Variants in POU2F1 observed in about 807,000 individuals in gnomAD.
POU2F1 encodes the protein POU domain, class 2, transcription factor 1.
Under a neutral mutation model 84.9 loss-of-function variants are expected in POU2F1, and 16 were observed. The observed-to-expected ratio is 0.19, with a 90% CI of 0.13 to 0.29. The LOEUF (loss-of-function observed/expected upper bound fraction) is 0.29. POU2F1 is among the 10% of genes least tolerant of loss of function. The pLI is 1.00. For missense variants in POU2F1, 738 were observed against 942.6 expected, an observed-to-expected ratio of 0.78 and a Z score of 2.84; for synonymous variants, 368 against 368.3, an observed-to-expected ratio of 1.00 and a Z score of 0.01.
rs530262358 is a variant in POU2F1 at position 167,275,461 on chromosome 1, G to A, written c.61+54503G>A. The stretch of plus-strand genomic sequence containing the variant: ...TTCTTCAGTATGACTACAGAAGGCC[G>A]CAATGGCCCTGATATCTCTACTTGT... On this transcript the variant is annotated intron_variant, in intron 1 of 15. Transcript: ENST00000367866. Among the ~76,000 whole-genome samples the A allele has an allele frequency of 1.7e-4, 26 of 152,076 alleles. 1 individual carries two copies. The highest frequency in any genetic ancestry group is 6.2e-4 in the South Asian group (3 of 4,820).
intron 1 of POU2F1, among the ~76,000 whole-genome samples, chr1:167,315,084 T>G (rs1655790727): frequency 6.6e-6 from 1 of 152,126 alleles, no homozygotes; most frequent in African/African-American, 2.4e-5. Flanking sequence ...CCTCCTGAGA[T>G]CTCCCCAAAA....
chr1:167,264,916 TGCTGTCTC>T (rs1323970301), intron 1 of POU2F1, among the ~76,000 whole-genome samples: 2 of 152,164 alleles, frequency 1.3e-5, no homozygotes. Flanking sequence ...CCTTTACACT[TGCTGTCTC>T]GTTTGCCTAG....
rs141721802 is a variant in POU2F1 at position 167,376,138 on chromosome 1, C to T, written c.701C>T (p.Thr234Met). Residue 234 changes from threonine to methionine, a missense_variant, in exon 7 of 16, where the codon ACG becomes ATG. Coordinates refer to ENST00000367866, the MANE Select transcript of POU2F1 (RefSeq NM_002697.4). ...LQPAQFIISQ[T>M]PQGQQGLLQA... Reference sequence around the variant, plus strand: ...CCAGCGCAGTTTATCATCTCACAGACGCCCCAGGGCCAGCAGGGTGAGCTC... The same window carrying T: ...CCAGCGCAGTTTATCATCTCACAGATGCCCCAGGGCCAGCAGGGTGAGCTC... 4.8e-5 allele frequency: 78 copies of T among 1,614,056 alleles called. No individual in the cohort carries two copies. The highest frequency in any genetic ancestry group is 6.7e-5 in the Admixed American group (4 of 60,002).
At chr1:167,317,385 G>T (rs536453774) in intron 1 of POU2F1, among the ~76,000 whole-genome samples, 1 of 152,254 alleles carries the variant, frequency 6.6e-6, no homozygotes, top group Non-Finnish European at 1.5e-5. Context: ...CAGCTCAGTC[G>T]TGGAGACCCT....
Position 167,418,248 on chromosome 1 carries a change from A to G in POU2F1, c.*2438A>G, listed in dbSNP as rs1476496424. On this transcript the variant is annotated 3_prime_UTR_variant, in exon 16 of 16. Coordinates refer to ENST00000367866, the MANE Select transcript of POU2F1 (RefSeq NM_002697.4). The stretch of plus-strand genomic sequence containing the variant: ...CTTGTTTTTAATCTTTTATGTTGGT[A>G]AATTGTGATATCCTCTGGGCAGACA... 1 of 152,204 alleles carries G rather than the reference A, an allele frequency of 6.6e-6. No homozygotes were observed. The highest frequency in any genetic ancestry group is 1.5e-5 in the Non-Finnish European group (1 of 68,028). The allele number at this position is 152,204 out of a possible 1,614,324, so 9.4% of individuals were successfully genotyped here.
At chr1:167,347,192 A>G (rs2101774180) in intron 2 of POU2F1, among the ~76,000 whole-genome samples, 1 of 152,348 alleles carries the variant, frequency 6.6e-6, no homozygotes, top group South Asian at 2.1e-4. Flanking sequence ...AAATAGAAAT[A>G]TGTGAATAAT....
At chr1:167,291,701 T>C (rs1021136879) in intron 1 of POU2F1, among the ~76,000 whole-genome samples, 1 of 152,324 alleles carries the variant, frequency 6.6e-6, no homozygotes, top group East Asian at 1.9e-4. Flanking sequence ...AGGTGCTAGG[T>C]GCTTTCCTCA....
intron 1 of POU2F1, among the ~76,000 whole-genome samples, chr1:167,224,791 T>G (rs1553083): frequency 2.0e-5 from 3 of 150,654 alleles, no homozygotes; most frequent in Non-Finnish European, 4.4e-5. Flanking sequence ...AGTAGTTTCC[T>G]GCGTATTTCT....
chr1:167,314,561 G>T (rs1024496033), intron 1 of POU2F1, among the ~76,000 whole-genome samples: 3 of 152,212 alleles, frequency 2.0e-5, no homozygotes, highest in Non-Finnish European at 4.4e-5. Flanking sequence ...AGGATGGCTT[G>T]AGCCCAGGAG....
chr1:167,275,457 G>A (rs1652664290), intron 1 of POU2F1, among the ~76,000 whole-genome samples: 1 of 151,946 alleles, frequency 6.6e-6, no homozygotes, highest in Non-Finnish European at 1.5e-5. Context: ...GACTACAGAA[G>A]GCCGCAATGG....
chr1:167,377,533 G>A (rs920898025), intron 7 of POU2F1, among the ~76,000 whole-genome samples: 29 of 152,302 alleles, frequency 1.9e-4, no homozygotes, highest in Non-Finnish European at 1.0e-4. Context: ...CTTGCAGTGA[G>A]CCAAGATTGA....
At chr1:167,368,150 T>A (rs1263971717) in intron 3 of POU2F1, among the ~76,000 whole-genome samples, 2 of 152,214 alleles carry the variant, frequency 1.3e-5, no homozygotes, top group Non-Finnish European at 2.9e-5. Flanking sequence ...GTCATGTCTG[T>A]TAAGTCTTCT....
rs758722261 is a variant in POU2F1, at chr1:167,374,119, G to T, written c.414G>T (p.Thr138=). The T allele has an allele frequency of 1.2e-6, 2 of 1,613,824 alleles. No individual in the cohort carries two copies. Among genetic ancestry groups the T allele is most frequent in the African/African-American group, 2.7e-5 (2 of 74,864 alleles). ...CTGGTTTTGTTTAGCTTACTTTGAC[G>T]CCTGCCCAGCAACAGTTACTACTCC... ...AGGQITGLTL[T]PAQQQLLLQQ... The change falls in exon 6 of 16, where the codon ACG becomes ACT. Residue 138 remains threonine (T), a synonymous_variant. Transcript: ENST00000367866.
At chr1:167,249,338 T>C (rs1650559276) in intron 1 of POU2F1, among the ~76,000 whole-genome samples, 1 of 152,326 alleles carries the variant, frequency 6.6e-6, no homozygotes, top group African/African-American at 2.4e-5. Flanking sequence ...ATAACTTTCA[T>C]TCCCTCCTCA....
At chr1:167,289,267 A>G (rs1390590915) in intron 1 of POU2F1, among the ~76,000 whole-genome samples, 5 of 152,314 alleles carry the variant, frequency 3.3e-5, no homozygotes, top group Non-Finnish European at 7.3e-5. Flanking sequence ...CATTCATTCA[A>G]CAAATGTTTC....
intron 1 of POU2F1, among the ~76,000 whole-genome samples, chr1:167,282,074 A>G (rs1653181341): frequency 6.6e-6 from 1 of 151,900 alleles, no homozygotes; most frequent in Non-Finnish European, 1.5e-5. Context: ...TGGCTCCCTC[A>G]CTATTTTCAT....
intron 1 of POU2F1, among the ~76,000 whole-genome samples, chr1:167,288,841 A>G (rs184735250): frequency 2.6e-5 from 4 of 152,322 alleles, no homozygotes; most frequent in South Asian, 2.1e-4. Flanking sequence ...TCCGTTCAAA[A>G]TGTTCTCAGA....
intron 1 of POU2F1, among the ~76,000 whole-genome samples, chr1:167,316,527 G>T (rs1174591257): frequency 4.6e-5 from 7 of 152,116 alleles, no homozygotes; most frequent in Non-Finnish European, 1.0e-4. Flanking sequence ...ACAGATCGAG[G>T]TTAATGTTTA....
chr1:167,398,005 T>C lies in POU2F1; in HGVS notation c.1141T>C (p.Ser381Pro). The part of the protein sequence containing the change: ...KWLNDAENLS[S>P]DSSLSSPSAL... ...CTTCATTCTTACAGAGAACCTCTCA[T>C]CTGATTCGTCCCTCTCCAGCCCAAG... Residue 381 changes from serine to proline, a missense_variant, in exon 11 of 16, where the codon TCT becomes CCT. Around this residue, in one of 4 missense-constraint regions of POU2F1, gnomAD observed 95 missense variants for 195.1 expected, o/e 0.49. Transcript: ENST00000367866. 1 of 1,612,954 alleles carries C rather than the reference T, an allele frequency of 6.2e-7. No homozygotes were observed. The highest frequency in any genetic ancestry group is 1.3e-5 in the African/African-American group (1 of 74,958).
Sources: gnomAD v4.1 joint callset for allele counts (sites outside exome capture counted in the v4.1 genomes callset) on GRCh38, gnomAD v4.1.1 for gene constraint, gnomAD v4.1.1 regional missense constraint, MANE v1.5 for transcripts, NCBI Gene and HGNC (gene_info 2026-07-23, HGNC 2026-07-21) for gene names.